DAB1: variants seen among roughly 807,000 people sequenced by gnomAD.
DAB1 encodes the protein disabled homolog 1.
A neutral mutation model predicts 64.6 loss-of-function variants in DAB1; 15 were observed. That is an observed-to-expected ratio of 0.23 (90% CI 0.16 to 0.36). DAB1 has a LOEUF of 0.36. DAB1 is among the 10% of genes least tolerant of loss of function. DAB1 has a pLI of 1.00. For synonymous variants in DAB1, 235 were observed against 251.9 expected, an observed-to-expected ratio of 0.93 and a Z score of 0.64; for missense variants, 596 against 706.7, an observed-to-expected ratio of 0.84 and a Z score of 1.78.
chr1:57,392,756 T>C lies in DAB1; in HGVS notation c.-137+31174A>G, dbSNP rs186188575. On this transcript the variant is annotated intron_variant, in intron 1 of 14. Coordinates refer to ENST00000371236, the MANE Select transcript of DAB1 (RefSeq NM_001365792.1). ...CCCTGACTTCTGAGAGGAACTGGCATGTTCGGGAAATAGCCAGAAGATCAA... is the reference window on the plus strand; with the variant it reads ...CCCTGACTTCTGAGAGGAACTGGCACGTTCGGGAAATAGCCAGAAGATCAA... Among the ~76,000 whole-genome samples, 34 of 152,294 alleles carry C rather than the reference T, an allele frequency of 2.2e-4. No individual in the cohort carries two copies. The East Asian group carries it at 4.8e-3, about 22-fold the overall frequency.
intron 4 of DAB1, among the ~76,000 whole-genome samples, chr1:58,178,095 C>T (rs1356336138): frequency 6.6e-6 from 1 of 152,152 alleles, no homozygotes; most frequent in African/African-American, 2.4e-5. Context: ...ATTCTGTTCT[C>T]TCAGCATTTT....
chr1:57,181,184 C>A (rs2100968697), intron 2 of DAB1, among the ~76,000 whole-genome samples: 1 of 152,284 alleles, frequency 6.6e-6, no homozygotes, highest in African/African-American at 2.4e-5. Flanking sequence ...GTTCAGAAAA[C>A]AAATAGCAGC....
At chr1:57,042,535 C>T (rs552760242) in intron 9 of DAB1, among the ~76,000 whole-genome samples, 31 of 152,258 alleles carry the variant, frequency 2.0e-4, no homozygotes, top group Non-Finnish European at 2.9e-4. Context: ...CTATTACCTT[C>T]CCTCTTTTCT....
At chr1:57,281,068 GTTCA>G (rs71920020) in intron 2 of DAB1, among the ~76,000 whole-genome samples, 2,064 of 152,286 alleles carry the variant, frequency 0.014, 35 homozygotes, top group African/African-American at 0.046. Flanking sequence ...GTGGCCGTAA[GTTCA>G]TTCATTTACT....
At chr1:58,024,986 T>C (rs1452294701) in intron 5 of DAB1, among the ~76,000 whole-genome samples, 1 of 152,086 alleles carries the variant, frequency 6.6e-6, no homozygotes, top group Admixed American at 6.6e-5. Context: ...CATGAGTCAA[T>C]TCCTTATAAC....
In DAB1 at chr1:58,398,449, C is replaced by T. The variant is rs76731096; in HGVS notation, n.258-55046G>A. On this transcript the variant is annotated intron_variant and non_coding_transcript_variant, in intron 3 of 20. Coordinates refer to the DAB1 transcript ENST00000485760. ...AGGGAGGCTCCATGCCCGTCCAAGC[C>T]ACACAGTTGTAAGAGGCCAAGCCTA... Among the ~76,000 whole-genome samples, 55 of 152,376 alleles carry T rather than the reference C, an allele frequency of 3.6e-4. No individual in the cohort carries two copies. The East Asian group carries it at 8.7e-3, about 24-fold the overall frequency.
intron 1 of DAB1, among the ~76,000 whole-genome samples, chr1:57,304,790 T>C (rs925133114): frequency 1.3e-5 from 2 of 152,166 alleles, no homozygotes; most frequent in African/African-American, 4.8e-5. Flanking sequence ...GATTACGTAA[T>C]CCATACTTCT....
rs200242316 is a variant in DAB1 at position 58,426,713 on chromosome 1, G to GT, written n.257+79346_257+79347insA. Among the ~76,000 whole-genome samples, 1,183 of 152,328 alleles carry GT rather than the reference G, an allele frequency of 7.8e-3. 76 individuals carry two copies. The East Asian group carries it at 0.19, about 25-fold the overall frequency. ...AGACACCTTCTTGTATTCCTGCAGT[G>GT]AGCACACTTGTATTGAATGCATATT... On this transcript the variant is annotated intron_variant and non_coding_transcript_variant, in intron 3 of 20. Transcript: ENST00000485760.
chr1:57,477,166 T>C (rs1401441203), intron 7 of DAB1, among the ~76,000 whole-genome samples: 1 of 152,216 alleles, frequency 6.6e-6, no homozygotes, highest in African/African-American at 2.4e-5. Context: ...GCCTTACAGG[T>C]GGCATGAACA....
At chr1:57,519,424 G>A (rs923663897) in intron 7 of DAB1, among the ~76,000 whole-genome samples, 2 of 152,122 alleles carry the variant, frequency 1.3e-5, no homozygotes, top group Admixed American at 6.5e-5. Context: ...CCATGTGCCA[G>A]GGCCTATAAT....
chr1:57,621,087 G>A (rs140152721), intron 7 of DAB1, among the ~76,000 whole-genome samples: 158 of 152,008 alleles, frequency 1.0e-3, no homozygotes, highest in African/African-American at 3.5e-3. Flanking sequence ...GTCTGAGAAT[G>A]TGTTTGTGTG....
intron 6 of DAB1, among the ~76,000 whole-genome samples, chr1:57,681,841 TG>T (rs1646639563): frequency 6.6e-6 from 1 of 151,836 alleles, no homozygotes; most frequent in African/African-American, 2.4e-5. Context: ...AGGATGAAAA[TG>T]GGAAGATTAA....
At chr1:57,319,489 T>A (rs1196045436) in intron 1 of DAB1, among the ~76,000 whole-genome samples, 1 of 152,150 alleles carries the variant, frequency 6.6e-6, no homozygotes, top group African/African-American at 2.4e-5. Flanking sequence ...AAGCCCTCCC[T>A]AATTCCCTTG....
intron 7 of DAB1, among the ~76,000 whole-genome samples, chr1:57,476,253 A>G (rs1310692901): frequency 6.6e-6 from 1 of 151,458 alleles, no homozygotes; most frequent in Non-Finnish European, 1.5e-5. Context: ...AAAAACAAAA[A>G]CAAAAAAAAA....
chr1:57,994,106 G>T (rs1012572593), intron 5 of DAB1, among the ~76,000 whole-genome samples: 4 of 152,140 alleles, frequency 2.6e-5, no homozygotes, highest in Admixed American at 2.0e-4. Flanking sequence ...GAGGCTGCAA[G>T]GCCTCTGACT....
At chr1:58,540,024 G>A (rs1342751662) in intron 1 of DAB1, among the ~76,000 whole-genome samples, 1 of 152,072 alleles carries the variant, frequency 6.6e-6, no homozygotes, top group African/African-American at 2.4e-5. Flanking sequence ...AAATTCCCTG[G>A]AGCTGGGAAA....
intron 9 of DAB1, among the ~76,000 whole-genome samples, chr1:57,034,030 C>T (rs1487349749): frequency 2.0e-5 from 3 of 152,058 alleles, no homozygotes; most frequent in African/African-American, 4.8e-5. Flanking sequence ...GCCTGTAATC[C>T]CAGCACTTTG....
chr1:58,309,938 G>T (rs1302644092), intron 4 of DAB1, among the ~76,000 whole-genome samples: 1 of 152,138 alleles, frequency 6.6e-6, no homozygotes, highest in Non-Finnish European at 1.5e-5. Context: ...CAGACAGCTG[G>T]AGGAATTTGA....
intron 5 of DAB1, chr1:58,056,082 T>G (rs1648055758): frequency 2.2e-6 from 2 of 918,244 alleles, no homozygotes; most frequent in Admixed American, 1.8e-5. Context: ...AATTTCCATT[T>G]TATTTTTCTC....
Sources: gnomAD v4.1 joint callset for allele counts (sites outside exome capture counted in the v4.1 genomes callset) on GRCh38, gnomAD v4.1.1 for gene constraint, MANE v1.5 for transcripts, NCBI Gene and HGNC (gene_info 2026-07-23, HGNC 2026-07-21) for gene names.